SSH2: variants seen among roughly 807,000 people sequenced by gnomAD.
The protein encoded by SSH2 is slingshot protein phosphatase 2, also known as protein phosphatase Slingshot homolog 2.
Under a neutral mutation model 135.2 loss-of-function variants are expected in SSH2, and 37 were observed. The observed-to-expected ratio is 0.27, with a 90% CI of 0.21 to 0.36. SSH2 has a LOEUF of 0.36. SSH2 is among the 10% of genes least tolerant of loss of function. The pLI is 1.00. For synonymous variants in SSH2, 628 were observed against 646.2 expected (o/e 0.97, Z 0.43); for missense variants, 1,408 against 1,765.3 (o/e 0.80, Z 3.63).
chr17:29,628,002 T>G lies in SSH2; in HGVS notation c.*2839A>C, dbSNP rs1449488110. ...AGTCAAAGTTTTTCCTATTCATCTT[T>G]GCCAGTCTATCAAATCTGCTGCTTC... On this transcript the variant is annotated 3_prime_UTR_variant, in exon 16 of 16. Transcript: ENST00000540801. The G allele has an allele frequency of 6.6e-6, 1 of 152,172 alleles. No individual in the cohort carries two copies. The highest frequency in any genetic ancestry group is 1.5e-5 in the Non-Finnish European group (1 of 68,038). The allele number at this position is 152,172 out of a possible 1,614,324, so 9.4% of individuals were successfully genotyped here. A position where few individuals can be genotyped will look rare whatever the true frequency, so the allele number is the denominator to read the frequency against.
intron 2 of SSH2, among the ~76,000 whole-genome samples, chr17:29,817,642 A>G (rs2042580653): frequency 6.6e-6 from 1 of 152,182 alleles, no homozygotes; most frequent in South Asian, 2.1e-4. Context: ...CTCCATATCC[A>G]TGAGGGATTG....
chr17:29,900,841 G>A (rs1001936779), intron 1 of SSH2, among the ~76,000 whole-genome samples: 2 of 152,154 alleles, frequency 1.3e-5, no homozygotes, highest in African/African-American at 4.8e-5. Context: ...TATGTTCATT[G>A]CGGCACTATT....
intron 2 of SSH2, among the ~76,000 whole-genome samples, chr17:29,797,850 T>C (rs561866201): frequency 5.9e-5 from 9 of 152,310 alleles, no homozygotes; most frequent in African/African-American, 2.2e-4. Context: ...ATCACGCCAC[T>C]GCATTCCAAC....
chr17:29,664,109 C>T (rs537717009), intron 11 of SSH2, among the ~76,000 whole-genome samples: 114 of 152,290 alleles, frequency 7.5e-4, no homozygotes, highest in African/African-American at 2.6e-3. Context: ...GGGCTGGGCG[C>T]GATGGCTCAT....
intron 3 of SSH2, among the ~76,000 whole-genome samples, chr17:29,717,439 T>C (rs2039663275): frequency 6.6e-6 from 1 of 152,248 alleles, no homozygotes; most frequent in Non-Finnish European, 1.5e-5. Context: ...CTCAGCCCAT[T>C]GACAATTAAT....
chr17:29,650,402 T>G (rs1238954363), intron 13 of SSH2, among the ~76,000 whole-genome samples: 1 of 152,224 alleles, frequency 6.6e-6, no homozygotes, highest in Non-Finnish European at 1.5e-5. Flanking sequence ...TTGCTGCAGT[T>G]TAAGTCTATT....
intron 1 of SSH2, among the ~76,000 whole-genome samples, chr17:29,913,337 A>T (rs1279946952): frequency 7.5e-5 from 4 of 53,294 alleles, no homozygotes; most frequent in Non-Finnish European, 1.2e-4. Flanking sequence ...AAAAAAAAAA[A>T]AAAAAAAAAA....
intron 14 of SSH2, among the ~76,000 whole-genome samples, chr17:29,641,972 GAGTT>G (rs2036183033): frequency 1.3e-5 from 2 of 150,264 alleles, no homozygotes; most frequent in Admixed American, 1.3e-4. Context: ...AGAGGGCCAG[GAGTT>G]ATAGTAAAAT....
intron 1 of SSH2, among the ~76,000 whole-genome samples, chr17:29,885,350 A>T (rs1316994493): frequency 3.2e-4 from 2 of 6,250 alleles, no homozygotes; most frequent in Non-Finnish European, 1.3e-3. Flanking sequence ...TTGTATCATA[A>T]AAAAAAAAAA....
intron 3 of SSH2, among the ~76,000 whole-genome samples, chr17:29,758,666 T>C (rs950380786): frequency 6.6e-6 from 1 of 152,122 alleles, no homozygotes; most frequent in Non-Finnish European, 1.5e-5. Context: ...GGAAAAAAAA[T>C]TTGGACTTGA....
intron 1 of SSH2, among the ~76,000 whole-genome samples, chr17:29,909,678 A>C (rs893902667): frequency 7.9e-5 from 12 of 152,186 alleles, no homozygotes; most frequent in Non-Finnish European, 1.8e-4. Flanking sequence ...CAAATATAAG[A>C]GTTAAATTAT....
chr17:29,812,782 C>T (rs1473287792), intron 2 of SSH2, among the ~76,000 whole-genome samples: 1 of 151,272 alleles, frequency 6.6e-6, no homozygotes, highest in Non-Finnish European at 1.5e-5. Context: ...CCCAGCTACT[C>T]GGGAGGCTGA....
intron 6 of SSH2, among the ~76,000 whole-genome samples, chr17:29,679,411 T>A (rs150402311): frequency 0.011 from 1,634 of 152,020 alleles, 10 homozygotes; most frequent in Admixed American, 0.018. Flanking sequence ...ATTTTTATTT[T>A]TTTTTTTATT....
At chr17:29,796,805 T>G (rs1440140835) in intron 2 of SSH2, among the ~76,000 whole-genome samples, 3 of 151,444 alleles carry the variant, frequency 2.0e-5, no homozygotes, top group African/African-American at 7.3e-5. Context: ...AGTTTTTTCC[T>G]TTCTTTTTTT....
intron 3 of SSH2, among the ~76,000 whole-genome samples, chr17:29,755,817 G>A (rs1230252986): frequency 4.0e-5 from 6 of 150,744 alleles, no homozygotes; most frequent in Non-Finnish European, 5.9e-5. Flanking sequence ...ACCCGCCACC[G>A]CACCCGGCTA....
chr17:29,784,636 C>A (rs1244136228), intron 3 of SSH2, among the ~76,000 whole-genome samples: 4 of 151,812 alleles, frequency 2.6e-5, no homozygotes, highest in African/African-American at 9.7e-5. Context: ...AGTTGTGAAT[C>A]CTATGACCTC....
intron 1 of SSH2, among the ~76,000 whole-genome samples, chr17:29,862,963 T>C (rs1207094227): frequency 1.3e-5 from 2 of 152,200 alleles, no homozygotes; most frequent in Admixed American, 6.5e-5. Flanking sequence ...CTTCCTTATG[T>C]AGGCAGGGGT....
intron 14 of SSH2, chr17:29,643,377 G>T: frequency 1.8e-6 from 1 of 558,118 alleles, no homozygotes; most frequent in Non-Finnish European, 2.3e-6. Flanking sequence ...AGGAAATGTG[G>T]CACTTCCCTA....
At chr17:29,653,305 T>G (rs2036650073) in intron 12 of SSH2, among the ~76,000 whole-genome samples, 1 of 152,182 alleles carries the variant, frequency 6.6e-6, no homozygotes, top group African/African-American at 2.4e-5. Flanking sequence ...CTGTAATTCT[T>G]CACATATTAA....
Sources: gnomAD v4.1 joint callset for allele counts (sites outside exome capture counted in the v4.1 genomes callset) on GRCh38, gnomAD v4.1.1 for gene constraint, MANE v1.5 for transcripts, NCBI Gene and HGNC (gene_info 2026-07-23, HGNC 2026-07-21) for gene names.